AKAP19: variants seen among roughly 807,000 people sequenced by gnomAD.
AKAP19 encodes the protein small A-kinase anchoring protein.
At chr2:190,054,811 T>G in the AKAP19 span, among the ~76,000 whole-genome samples, 1 of 152,126 alleles carries the variant, frequency 6.6e-6, no homozygotes, top group African/African-American at 2.4e-5. Flanking sequence ...TGGAGATCAT[T>G]AAAAAGTCAG....
chr2:190,023,164 A>G, the AKAP19 span, among the ~76,000 whole-genome samples: 9 of 152,154 alleles, frequency 5.9e-5, no homozygotes, highest in Non-Finnish European at 1.2e-4. Flanking sequence ...TTCAAATGTG[A>G]TTACTACTTT....
At chr2:190,119,330 T>C in the AKAP19 span, among the ~76,000 whole-genome samples, 2 of 152,212 alleles carry the variant, frequency 1.3e-5, no homozygotes, top group Non-Finnish European at 2.9e-5. Context: ...TATCAGCCAG[T>C]TATAGGCGAT....
At chr2:190,101,701 ATATAAAAAGAC>A in the AKAP19 span, among the ~76,000 whole-genome samples, 4 of 152,278 alleles carry the variant, frequency 2.6e-5, no homozygotes, top group African/African-American at 7.2e-5. Context: ...TACTTCTAGT[ATATAAAAAGAC>A]TATAAAAAGA....
chr2:190,081,737 C>T, the AKAP19 span, among the ~76,000 whole-genome samples: 2 of 152,122 alleles, frequency 1.3e-5, no homozygotes, highest in African/African-American at 4.8e-5. Context: ...CAGTGGGTTC[C>T]ACTTGCCCTC....
the AKAP19 span, among the ~76,000 whole-genome samples, chr2:190,135,401 A>T: frequency 3.3e-5 from 5 of 152,312 alleles, no homozygotes; most frequent in Middle Eastern, 3.4e-3. Flanking sequence ...ATTTTTAAGG[A>T]TCTCTGCGTG....
the AKAP19 span, among the ~76,000 whole-genome samples, chr2:190,020,060 T>A: frequency 6.6e-6 from 1 of 152,228 alleles, no homozygotes; most frequent in African/African-American, 2.4e-5. Flanking sequence ...TGGTTTTGCT[T>A]AGTAGTTTTG....
At chr2:190,087,707 T>A in the AKAP19 span, among the ~76,000 whole-genome samples, 3 of 152,216 alleles carry the variant, frequency 2.0e-5, no homozygotes, top group African/African-American at 7.2e-5. Context: ...GAATCATACA[T>A]CATGAACCCT....
chr2:189,922,969 T>G, the AKAP19 span, among the ~76,000 whole-genome samples: 1 of 151,960 alleles, frequency 6.6e-6, no homozygotes, highest in South Asian at 2.1e-4. Flanking sequence ...GGACAACACG[T>G]TGAAACCTTG....
the AKAP19 span, among the ~76,000 whole-genome samples, chr2:190,141,326 A>G: frequency 0.012 from 1,801 of 152,314 alleles, 32 homozygotes; most frequent in African/African-American, 0.04. Flanking sequence ...GTATCCTTAT[A>G]GCAGCACTCC....
the AKAP19 span, among the ~76,000 whole-genome samples, chr2:190,065,364 T>C: frequency 6.6e-6 from 1 of 152,078 alleles, no homozygotes; most frequent in African/African-American, 2.4e-5. Context: ...TTTCTGAAGA[T>C]GAATGGTGGT....
At chr2:190,183,816 T>C in the AKAP19 span, among the ~76,000 whole-genome samples, 1 of 151,804 alleles carries the variant, frequency 6.6e-6, no homozygotes, top group South Asian at 2.1e-4. Context: ...AAATGACCTC[T>C]TCTGCTTGCA....
At chr2:189,939,858 ACAGT>A in the AKAP19 span, among the ~76,000 whole-genome samples, 4 of 152,188 alleles carry the variant, frequency 2.6e-5, no homozygotes, top group East Asian at 1.9e-4. Flanking sequence ...TTGAAAATAC[ACAGT>A]CAGTCAGGCA....
At chr2:190,112,061 C>A in the AKAP19 span, among the ~76,000 whole-genome samples, 2 of 152,062 alleles carry the variant, frequency 1.3e-5, no homozygotes, top group South Asian at 2.1e-4. Flanking sequence ...CCACACCCAG[C>A]TGATTTTTTG....
chr2:190,064,275 T>A, the AKAP19 span, among the ~76,000 whole-genome samples: 6 of 152,288 alleles, frequency 3.9e-5, no homozygotes, highest in South Asian at 2.1e-4. Flanking sequence ...TTTCAGATAC[T>A]CTTTGTTATG....
the AKAP19 span, among the ~76,000 whole-genome samples, chr2:189,894,875 A>G: frequency 4.6e-5 from 7 of 151,664 alleles, no homozygotes; most frequent in African/African-American, 1.7e-4. Flanking sequence ...TATATTTAAA[A>G]TGTAAAGGCC....
At chr2:189,978,761 A>T in the AKAP19 span, among the ~76,000 whole-genome samples, 2 of 152,164 alleles carry the variant, frequency 1.3e-5, no homozygotes, top group Admixed American at 1.3e-4. Flanking sequence ...GTGGTATTCC[A>T]TGGTGTAGGA....
At chr2:190,126,296 A>AAAAAAAAAAAC in the AKAP19 span, among the ~76,000 whole-genome samples, 1 of 97,624 alleles carries the variant, frequency 1.0e-5, no homozygotes. Context: ...TCTCAAAAAA[A>AAAAAAAAAAAC]AAAAAAAAAA....
At chr2:190,136,801 A>T in the AKAP19 span, among the ~76,000 whole-genome samples, 1 of 152,242 alleles carries the variant, frequency 6.6e-6, no homozygotes, top group Admixed American at 6.5e-5. Flanking sequence ...AGTAGATGGA[A>T]TGGGTTAGTA....
the AKAP19 span, among the ~76,000 whole-genome samples, chr2:190,094,850 G>T: frequency 1.3e-5 from 2 of 152,184 alleles, no homozygotes; most frequent in Non-Finnish European, 2.9e-5. Context: ...GGAAACAAAT[G>T]ATTACTTTAT....
Sources: gnomAD v4.1 joint callset for allele counts (sites outside exome capture counted in the v4.1 genomes callset) on GRCh38, gnomAD v4.1.1 for gene constraint, MANE v1.5 for transcripts, NCBI Gene and HGNC (gene_info 2026-07-23, HGNC 2026-07-21) for gene names.